SDK1: variants seen among roughly 807,000 people sequenced by gnomAD.
The protein encoded by SDK1 is sidekick cell adhesion molecule 1, also known as protein sidekick-1.
Under a neutral mutation model 245.5 loss-of-function variants are expected in SDK1, and 157 were observed. The observed-to-expected ratio is 0.64, with a 90% CI of 0.56 to 0.73. The LOEUF is 0.73. SDK1 is among the 30% of genes least tolerant of loss of function. SDK1 has a pLI of 0.00. For synonymous variants in SDK1, 1,647 were observed against 1,278.5 expected, an observed-to-expected ratio of 1.29 and a Z score of -6.15; for missense variants, 3,583 against 3,002.3, an observed-to-expected ratio of 1.19 and a Z score of -4.52.
rs367544776 is a variant in SDK1, at chr7:3,887,448, A to G, written c.848-63475A>G. 3.9e-5 allele frequency among the ~76,000 whole-genome samples: 6 copies of G among 152,254 alleles called. No individual in the cohort carries two copies. In the East Asian group the frequency reaches 1.2e-3, roughly 29 times the overall value. On this transcript the variant is annotated intron_variant, in intron 5 of 44. Coordinates refer to ENST00000404826, the MANE Select transcript of SDK1 (RefSeq NM_152744.4). ...AAGCATGTTTCCCAGTAGAGAAGTA[A>G]TAATAATTGAGCAATCATGATCAAG... is the stretch of plus-strand genomic sequence containing the variant.
intron 22 of SDK1, among the ~76,000 whole-genome samples, chr7:4,091,334 CTTT>C (rs61065472): frequency 1.8e-5 from 2 of 108,260 alleles, no homozygotes; most frequent in Non-Finnish European, 3.5e-5. Flanking sequence ...CTTTTCTTTT[CTTT>C]TTTTTTTTTT....
intron 1 of SDK1, among the ~76,000 whole-genome samples, chr7:3,502,868 C>G (rs747960054): frequency 2.6e-5 from 4 of 152,178 alleles, no homozygotes; most frequent in Non-Finnish European, 4.4e-5. Context: ...TTTTCTTGTT[C>G]TGTAACATAC....
intron 4 of SDK1, among the ~76,000 whole-genome samples, chr7:3,759,950 A>C (rs1005053865): frequency 6.6e-6 from 1 of 151,996 alleles, no homozygotes; most frequent in Non-Finnish European, 1.5e-5. Context: ...GCTGTGCTAT[A>C]TATTTCCTTT....
chr7:3,455,569 C>T (rs558893181), intron 1 of SDK1, among the ~76,000 whole-genome samples: 54 of 151,992 alleles, frequency 3.6e-4, no homozygotes, highest in African/African-American at 1.3e-3. Flanking sequence ...CTTTTTCATC[C>T]GTGTAAAAAA....
At chr7:3,802,327 C>G (rs150403402) in intron 4 of SDK1, among the ~76,000 whole-genome samples, 1 of 151,876 alleles carries the variant, frequency 6.6e-6, no homozygotes, top group Non-Finnish European at 1.5e-5. Flanking sequence ...AGTTCAAGAC[C>G]GGCCTGGGCA....
chr7:3,521,232 T>A (rs1329027943), intron 1 of SDK1, among the ~76,000 whole-genome samples: 2 of 152,176 alleles, frequency 1.3e-5, no homozygotes, highest in Non-Finnish European at 2.9e-5. Context: ...AATCTTTTAC[T>A]TCCCTTCTGC....
At chr7:4,206,655 G>C (rs551916100) in intron 36 of SDK1, among the ~76,000 whole-genome samples, 1 of 152,068 alleles carries the variant, frequency 6.6e-6, no homozygotes, top group Non-Finnish European at 1.5e-5. Context: ...TCCATGGGGC[G>C]GGAAGCACCT....
chr7:3,620,140 A>C (rs941519058), intron 2 of SDK1, among the ~76,000 whole-genome samples: 4 of 152,080 alleles, frequency 2.6e-5, no homozygotes, highest in Non-Finnish European at 5.9e-5. Flanking sequence ...AAGCTTCTCA[A>C]ATGGGGAATA....
intron 2 of SDK1, among the ~76,000 whole-genome samples, chr7:3,635,043 T>A (rs1015566007): frequency 1.3e-5 from 2 of 152,248 alleles, no homozygotes; most frequent in Admixed American, 6.5e-5. Context: ...CCAAAAACTT[T>A]TGTTGACTTT....
At chr7:3,503,266 C>T (rs1782275740) in intron 1 of SDK1, among the ~76,000 whole-genome samples, 1 of 152,142 alleles carries the variant, frequency 6.6e-6, no homozygotes, top group East Asian at 1.9e-4. Context: ...CTCAGCATCC[C>T]TATTTGGAAG....
chr7:3,604,983 T>C (rs902245244), intron 1 of SDK1, among the ~76,000 whole-genome samples: 1 of 152,162 alleles, frequency 6.6e-6, no homozygotes, highest in Non-Finnish European at 1.5e-5. Context: ...TCCTGTTGTC[T>C]TTTGGTTTTT....
chr7:3,790,957 G>A (rs1348585696), intron 4 of SDK1, among the ~76,000 whole-genome samples: 1 of 152,042 alleles, frequency 6.6e-6, no homozygotes, highest in African/African-American at 2.4e-5. Context: ...ACCCTGCTTG[G>A]TTTGAATCAC....
intron 25 of SDK1, among the ~76,000 whole-genome samples, chr7:4,126,659 G>T (rs1200864247): frequency 2.0e-5 from 3 of 152,240 alleles, no homozygotes; most frequent in Non-Finnish European, 4.4e-5. Context: ...AGGCGAAGTT[G>T]CAGTGAGCCA....
chr7:3,413,558 G>A (rs1020361798), intron 1 of SDK1, among the ~76,000 whole-genome samples: 6 of 152,106 alleles, frequency 3.9e-5, no homozygotes, highest in Non-Finnish European at 8.8e-5. Context: ...AGGCATGGCG[G>A]TGGGCACCTG....
Position 3,301,680 on chromosome 7 carries a change from C to G in SDK1, c.94C>G (p.Pro32Ala). The part of the protein sequence containing the change: ...RAGPGRPRGS[P>A]PGRARPSLAP... ...GGGCCCCGGGCGGCCGCGGGGATCC[C>G]CGCCCGGCCGCGCCCGCCCCTCGCT... is the stretch of plus-strand genomic sequence containing the variant. The change falls in exon 1 of 45, where the codon CCG (proline) becomes GCG (alanine). Residue 32 changes from proline to alanine, a missense_variant. Pro to Ala is a conservative substitution (Grantham distance 27). Transcript: ENST00000404826. 1.0e-6 allele frequency: 1 copy of G among 973,934 alleles called. No homozygotes were observed. Among genetic ancestry groups the G allele is most frequent in the Non-Finnish European group, 1.2e-6 (1 of 824,058 alleles). The allele number at this position is 973,934 out of a possible 1,614,324, so 60.3% of individuals were successfully genotyped here. A position where few individuals can be genotyped will look rare whatever the true frequency, so the allele number is the denominator to read the frequency against.
At chr7:3,885,500 A>G (rs558584527) in intron 5 of SDK1, among the ~76,000 whole-genome samples, 1 of 152,040 alleles carries the variant, frequency 6.6e-6, no homozygotes, top group East Asian at 1.9e-4. Flanking sequence ...CTTACTAAGA[A>G]CCCACCATGG....
intron 1 of SDK1, among the ~76,000 whole-genome samples, chr7:3,543,634 C>G (rs1285731414): frequency 6.6e-6 from 1 of 152,146 alleles, no homozygotes; most frequent in African/African-American, 2.4e-5. Flanking sequence ...GAATGGTGCA[C>G]TCTGTATGTT....
chr7:3,637,664 T>G (rs772470960), intron 2 of SDK1, among the ~76,000 whole-genome samples: 5 of 152,264 alleles, frequency 3.3e-5, no homozygotes, highest in Non-Finnish European at 5.9e-5. Context: ...AATTATTTTT[T>G]TCCTTTGAAA....
At chr7:3,609,392 G>A (rs1243833014) in intron 1 of SDK1, among the ~76,000 whole-genome samples, 1 of 151,898 alleles carries the variant, frequency 6.6e-6, no homozygotes, top group Non-Finnish European at 1.5e-5. Context: ...GGAGAGCTGG[G>A]ATTTTTCTTT....
Sources: allele counts gnomAD v4.1 joint callset (sites outside exome capture counted in the v4.1 genomes callset), GRCh38; gene constraint gnomAD v4.1.1; transcripts MANE v1.5; gene names NCBI Gene and HGNC (gene_info 2026-07-23, HGNC 2026-07-21).